MIR2052HG: variants seen among roughly 807,000 people sequenced by gnomAD.
MIR2052HG encodes the protein MIR2052 host gene.
chr8:74,658,027 A>G (rs1808824621), intron 2 of MIR2052HG, among the ~76,000 whole-genome samples: 2 of 152,236 alleles, frequency 1.3e-5, no homozygotes, highest in Admixed American at 1.3e-4. Flanking sequence ...TCCTACTCCA[A>G]TCATGTTATT....
intron 2 of MIR2052HG, among the ~76,000 whole-genome samples, chr8:74,618,909 C>T (rs1209628697): frequency 6.6e-6 from 1 of 152,074 alleles, no homozygotes; most frequent in East Asian, 1.9e-4. Flanking sequence ...AGACTTTATA[C>T]AAAAACTGTT....
intron 2 of MIR2052HG, among the ~76,000 whole-genome samples, chr8:74,625,581 CTATTT>C (rs1233805436): frequency 1.8e-4 from 27 of 152,260 alleles, no homozygotes; most frequent in African/African-American, 6.5e-4. Flanking sequence ...GCTTCTGTTT[CTATTT>C]TAGAGAGTTA....
Position 74,660,638 on chromosome 8 carries a change from G to C in MIR2052HG, n.217-41741G>C, listed in dbSNP as rs564187339. Among the ~76,000 whole-genome samples, 142 of 152,188 alleles carry C rather than the reference G, an allele frequency of 9.3e-4. 1 individual carries two copies. The highest frequency in any genetic ancestry group is 1.4e-3 in the Non-Finnish European group (96 of 68,034). ...TTTTAAATTTAGGATGCCAAGATTG[G>C]AAAGGGTGTAGAGGACTTTCAAAGT... On this transcript the variant is annotated intron_variant and non_coding_transcript_variant, in intron 2 of 6. Coordinates refer to ENST00000523442, the Ensembl canonical transcript of MIR2052HG.
At chr8:74,757,825 A>G (rs909418647) in intron 5 of MIR2052HG, 2 of 152,136 alleles carry the variant, frequency 1.3e-5, no homozygotes, top group Non-Finnish European at 2.9e-5. Context: ...TTTGAAAATC[A>G]GATTTTAACC....
chr8:74,648,632 C>G (rs1483512089), intron 2 of MIR2052HG, among the ~76,000 whole-genome samples: 28 of 151,700 alleles, frequency 1.8e-4, no homozygotes, highest in Non-Finnish European at 5.9e-5. Flanking sequence ...TGTAAAATTT[C>G]TCTCTTTGTA....
At chr8:74,617,252 A>G (rs929454090) in intron 2 of MIR2052HG, among the ~76,000 whole-genome samples, 18 of 151,988 alleles carry the variant, frequency 1.2e-4, no homozygotes, top group African/African-American at 4.3e-4. Context: ...CACCCTTCCA[A>G]CTTTTGGAGT....
chr8:74,656,463 A>G (rs1271260007), intron 2 of MIR2052HG, among the ~76,000 whole-genome samples: 1 of 152,150 alleles, frequency 6.6e-6, no homozygotes, highest in Non-Finnish European at 1.5e-5. Context: ...ATAGTGAATA[A>G]GTCTCACGAG....
At chr8:74,729,762 C>A (rs1467314350) in intron 4 of MIR2052HG, among the ~76,000 whole-genome samples, 1 of 152,112 alleles carries the variant, frequency 6.6e-6, no homozygotes, top group Non-Finnish European at 1.5e-5. Flanking sequence ...ATCTGAAAAA[C>A]AGAAGGGGTA....
At chr8:74,655,217 C>T (rs556803130) in intron 2 of MIR2052HG, among the ~76,000 whole-genome samples, 3 of 151,974 alleles carry the variant, frequency 2.0e-5, no homozygotes, top group Non-Finnish European at 2.9e-5. Context: ...CCTGATGATG[C>T]AATAGAAAAG....
At chr8:74,637,507 C>A (rs1440932499) in intron 2 of MIR2052HG, among the ~76,000 whole-genome samples, 1 of 152,098 alleles carries the variant, frequency 6.6e-6, no homozygotes, top group Non-Finnish European at 1.5e-5. Flanking sequence ...TTCAGAAAAA[C>A]ACAGCCAATT....
chr8:74,649,864 A>G (rs956801272), intron 2 of MIR2052HG, among the ~76,000 whole-genome samples: 1 of 152,086 alleles, frequency 6.6e-6, no homozygotes, highest in African/African-American at 2.4e-5. Context: ...AGAACTCTAC[A>G]TCTATATAAA....
intron 2 of MIR2052HG, among the ~76,000 whole-genome samples, chr8:74,625,552 T>C (rs1246189866): frequency 6.6e-6 from 1 of 152,234 alleles, no homozygotes; most frequent in Non-Finnish European, 1.5e-5. Flanking sequence ...AATTTTGAAG[T>C]ACAAATTTTG....
At chr8:74,626,043 A>G (rs780065231) in intron 2 of MIR2052HG, among the ~76,000 whole-genome samples, 28 of 152,170 alleles carry the variant, frequency 1.8e-4, no homozygotes, top group Non-Finnish European at 3.8e-4. Context: ...CCTCCACACT[A>G]GCACTCCCTG....
chr8:74,727,173 A>G (rs954952237), intron 4 of MIR2052HG, among the ~76,000 whole-genome samples: 3 of 152,206 alleles, frequency 2.0e-5, no homozygotes, highest in African/African-American at 7.2e-5. Context: ...CTTAAATTTT[A>G]AGTTAAAATC....
At chr8:74,601,106 G>T (rs577113364) in intron 1 of MIR2052HG, among the ~76,000 whole-genome samples, 33 of 152,292 alleles carry the variant, frequency 2.2e-4, no homozygotes, top group Non-Finnish European at 3.4e-4. Flanking sequence ...ATGCAGTCAG[G>T]TTGGCTAGGA....
intron 1 of MIR2052HG, among the ~76,000 whole-genome samples, chr8:74,600,382 C>T (rs969843075): frequency 1.6e-4 from 24 of 150,616 alleles, no homozygotes; most frequent in Admixed American, 1.1e-3. Context: ...GTCAGGAGTT[C>T]GAGACTAGCT....
At chr8:74,622,671 C>T (rs1387094256) in intron 2 of MIR2052HG, among the ~76,000 whole-genome samples, 1 of 151,746 alleles carries the variant, frequency 6.6e-6, no homozygotes, top group African/African-American at 2.4e-5. Flanking sequence ...CATCACTAAT[C>T]ATCAGCCATA....
At chr8:74,620,208 G>T (rs1808342358) in intron 2 of MIR2052HG, among the ~76,000 whole-genome samples, 1 of 152,304 alleles carries the variant, frequency 6.6e-6, no homozygotes, top group South Asian at 2.1e-4. Context: ...TGCCCCTCTG[G>T]CTTCACAGGA....
At chr8:74,608,632 A>G (rs893547478) in intron 1 of MIR2052HG, among the ~76,000 whole-genome samples, 7 of 152,182 alleles carry the variant, frequency 4.6e-5, no homozygotes, top group African/African-American at 1.7e-4. Flanking sequence ...TACAAAGTAT[A>G]TTGTCAGACC....
Sources: gnomAD v4.1 joint callset for allele counts (sites outside exome capture counted in the v4.1 genomes callset) on GRCh38, gnomAD v4.1.1 for gene constraint, MANE v1.5 for transcripts, NCBI Gene and HGNC (gene_info 2026-07-23, HGNC 2026-07-21) for gene names.